ECPAS: variants seen among roughly 807,000 people sequenced by gnomAD.
The protein encoded by ECPAS is Ecm29 proteasome adaptor and scaffold.
In ECPAS, 70 loss-of-function variants were observed where a neutral mutation model predicts 255.1. That is an observed-to-expected ratio of 0.27 (90% CI 0.23 to 0.33). The LOEUF is 0.33. Ranked by LOEUF, ECPAS falls within the 10% of genes least tolerant of loss-of-function variation. The probability of loss-of-function intolerance (pLI) is 1.00; values close to 1 mark genes in which losing one functional copy is unlikely to be tolerated. For synonymous variants in ECPAS, 784 were observed against 775.0 expected, an observed-to-expected ratio of 1.01 and a Z score of -0.19; for missense variants, 1,817 against 2,206.4, an observed-to-expected ratio of 0.82 and a Z score of 3.54.
At chr9:111,450,089 C>T (rs565639002) in intron 3 of ECPAS, among the ~76,000 whole-genome samples, 2 of 152,240 alleles carry the variant, frequency 1.3e-5, no homozygotes, top group South Asian at 2.1e-4. Context: ...GTACTATTTG[C>T]CTGACTGTTT....
chr9:111,425,439 C>T lies in ECPAS; in HGVS notation c.1194G>A (p.Lys398=). The change falls in exon 12 of 50, where the codon AAG becomes AAA. Residue 398 remains lysine (K), a synonymous_variant. Coordinates refer to ENST00000684092, the MANE Select transcript of ECPAS (RefSeq NM_001364929.1). ...LGPMLLNGLT[K]LINEYKEDPK... ...TTACCTCTTTGTATTCATTGATTAG[C>T]TTGGTGAGGCCATTCAAAAGCATTG... The T allele has an allele frequency of 1.3e-6, 2 of 1,596,272 alleles. No individual in the cohort carries two copies. Among genetic ancestry groups the T allele is most frequent in the Non-Finnish European group, 1.7e-6 (2 of 1,173,004 alleles).
intron 1 of ECPAS, among the ~76,000 whole-genome samples, chr9:111,474,329 C>A (rs2098293448): frequency 1.3e-5 from 2 of 152,152 alleles, no homozygotes; most frequent in Admixed American, 1.3e-4. Flanking sequence ...GATTTAGATT[C>A]ATCTCTAACT....
At chr9:111,446,887 G>A (rs1469259135) in intron 3 of ECPAS, among the ~76,000 whole-genome samples, 1 of 152,174 alleles carries the variant, frequency 6.6e-6, no homozygotes, top group Non-Finnish European at 1.5e-5. Context: ...TACCTTCCAA[G>A]AAGCTAGAAA....
At chr9:111,428,476 G>A (rs143000210) in intron 9 of ECPAS, among the ~76,000 whole-genome samples, 1 of 152,170 alleles carries the variant, frequency 6.6e-6, no homozygotes, top group East Asian at 1.9e-4. Flanking sequence ...TTGTACTGAG[G>A]GAGAAGCACT....
intron 8 of ECPAS, among the ~76,000 whole-genome samples, chr9:111,431,009 C>T (rs943226615): frequency 6.6e-6 from 1 of 152,042 alleles, no homozygotes; most frequent in East Asian, 1.9e-4. Flanking sequence ...GGGTAGGATT[C>T]GTCTGTTTAA....
intron 24 of ECPAS, among the ~76,000 whole-genome samples, chr9:111,404,345 C>T (rs2098180666): frequency 6.7e-6 from 1 of 149,332 alleles, no homozygotes; most frequent in African/African-American, 2.5e-5. Flanking sequence ...AAAAGATAAA[C>T]AAAAAAATTA....
At chr9:111,471,424 C>T (rs935033734) in intron 2 of ECPAS, among the ~76,000 whole-genome samples, 2 of 152,122 alleles carry the variant, frequency 1.3e-5, no homozygotes, top group African/African-American at 4.8e-5. Flanking sequence ...CAAAATTTCA[C>T]CTAAATGAAT....
intron 48 of ECPAS, 122 bp downstream of exon 48, chr9:111,366,117 T>G: frequency 1.6e-6 from 1 of 641,856 alleles, no homozygotes; most frequent in Non-Finnish European, 2.8e-6. Flanking sequence ...GTATAATAAG[T>G]AGCAGAGTCC....
At position 111,484,200 on chromosome 9, in the gene ECPAS, G is replaced by T; in HGVS notation, c.-167C>A. The T allele has an allele frequency of 6.8e-7, 1 of 1,475,074 alleles. No individual in the cohort carries two copies. Among genetic ancestry groups the T allele is most frequent in the South Asian group, 1.3e-5 (1 of 75,672 alleles). 91.4% of individuals were successfully genotyped at this position (1,475,074 alleles called of 1,614,324 possible). A position where few individuals can be genotyped will look rare whatever the true frequency, so the allele number is the denominator to read the frequency against. ...TGTAGAGCGAGGCGTTCGGCGGGCC[G>T]GGCCCCGGGGAGCCGCGCGCCGCAG... On this transcript the variant is annotated 5_prime_UTR_variant, in exon 1 of 50. Transcript: ENST00000684092.
Position 111,389,664 on chromosome 9 carries a change from A to G in ECPAS, c.3339T>C (p.Phe1113=), listed in dbSNP as rs769474035. 1 of 1,613,898 alleles carries G rather than the reference A, an allele frequency of 6.2e-7. No individual in the cohort carries two copies. Among genetic ancestry groups the G allele is most frequent in the Non-Finnish European group, 8.5e-7 (1 of 1,179,808 alleles). The change falls in exon 31 of 50, where the codon TTT becomes TTC. Residue 1113 remains phenylalanine (F), a synonymous_variant. Transcript: ENST00000684092. ...ATRAGEQLAP[F]LPQLVPRLYR... ...AAAGTCGAGGAACTAGCTGAGGCAG[A>G]AAAGGAGCCAGCTGCTCTCCAGCTC...
Position 111,389,741 on chromosome 9 carries a change from A to C in ECPAS, c.3280-18T>G. On this transcript the variant is annotated intron_variant, in intron 30 of 49. Transcript: ENST00000684092. Reference sequence around the variant, plus strand: ...GCAGCACCCTAAAAATAATAGGCTGAAGTGACTCAGATGCACCATTATAGT... The same window carrying C: ...GCAGCACCCTAAAAATAATAGGCTGCAGTGACTCAGATGCACCATTATAGT... 1.3e-6 allele frequency: 2 copies of C among 1,597,010 alleles called. No homozygotes were observed. The highest frequency in any genetic ancestry group is 2.3e-5 in the South Asian group (2 of 88,580).
At chr9:111,433,908 A>C (rs539312832) in intron 7 of ECPAS, among the ~76,000 whole-genome samples, 68 of 152,232 alleles carry the variant, frequency 4.5e-4, no homozygotes, top group Non-Finnish European at 8.7e-4. Flanking sequence ...AATGTTAGCT[A>C]CTCAATGCAA....
At chr9:111,426,036 C>T (rs954388682) in intron 10 of ECPAS, among the ~76,000 whole-genome samples, 1 of 152,178 alleles carries the variant, frequency 6.6e-6, no homozygotes, top group Non-Finnish European at 1.5e-5. Flanking sequence ...AATGGTTGAT[C>T]GCACAAGTCT....
intron 2 of ECPAS, among the ~76,000 whole-genome samples, chr9:111,455,600 T>A (rs925982165): frequency 6.6e-6 from 1 of 152,204 alleles, no homozygotes; most frequent in Non-Finnish European, 1.5e-5. Flanking sequence ...CTAAGAGTGG[T>A]TCATTGTGCC....
chr9:111,477,043 C>T (rs1209953907), intron 1 of ECPAS, among the ~76,000 whole-genome samples: 14 of 151,754 alleles, frequency 9.2e-5, no homozygotes, highest in Non-Finnish European at 2.1e-4. Context: ...GTCAGGTGAT[C>T]CACCTGCCTC....
chr9:111,440,996 C>CAA (rs1198583707), intron 5 of ECPAS, among the ~76,000 whole-genome samples: 3 of 151,254 alleles, frequency 2.0e-5, no homozygotes, highest in Non-Finnish European at 2.9e-5. Flanking sequence ...ACTAAAAATA[C>CAA]AAAAAATCAG....
At chr9:111,386,597 C>T in intron 31 of ECPAS, 141 bp from the exon 32 acceptor site, 1 of 612,970 alleles carries the variant, frequency 1.6e-6, no homozygotes, top group Non-Finnish European at 2.9e-6. Context: ...CTCTCTAGGC[C>T]ACTCAGCCCA....
chr9:111,479,585 T>A (rs1245272879), intron 1 of ECPAS, among the ~76,000 whole-genome samples: 1 of 152,022 alleles, frequency 6.6e-6, no homozygotes, highest in Non-Finnish European at 1.5e-5. Context: ...AGAGCAAGAC[T>A]CCGTCTCCAG....
chr9:111,484,380 A>C lies in ECPAS; in HGVS notation c.-347T>G, dbSNP rs753226291. 1.8e-5 allele frequency: 29 copies of C among 1,611,544 alleles called. No individual in the cohort carries two copies. Among genetic ancestry groups the C allele is most frequent in the East Asian group, 2.2e-5 (1 of 44,814 alleles). ...CGCCTGTCCAAAGGAAGAGACGTGG[A>C]CTCAGAAAAGTAGAGCCGGGCTCGG... On this transcript the variant is annotated 5_prime_UTR_variant, in exon 1 of 50. Transcript: ENST00000684092.
Sources: allele counts gnomAD v4.1 joint callset (sites outside exome capture counted in the v4.1 genomes callset), GRCh38; gene constraint gnomAD v4.1.1; transcripts MANE v1.5; gene names NCBI Gene and HGNC (gene_info 2026-07-23, HGNC 2026-07-21).